Variants in RCAN2 observed in about 807,000 individuals in gnomAD.
RCAN2 encodes the protein calcipressin-2.
A neutral mutation model predicts 23.6 loss-of-function variants in RCAN2; 9 were observed. The observed-to-expected ratio is 0.38, with a 90% CI of 0.23 to 0.67. The LOEUF is 0.67. RCAN2 is among the 30% of genes least tolerant of loss of function. The pLI is 0.51. For missense variants in RCAN2, 273 were observed against 302.3 expected (o/e 0.90, Z 0.72); for synonymous variants, 109 against 115.7 (o/e 0.94, Z 0.37).
chr6:46,331,533 T>C (rs1763973512), intron 2 of RCAN2, among the ~76,000 whole-genome samples: 1 of 152,232 alleles, frequency 6.6e-6, no homozygotes, highest in South Asian at 2.1e-4. Context: ...CTGAGTCCTC[T>C]GACAAATCTT....
chr6:46,391,792 G>T (rs1021488538), intron 2 of RCAN2, among the ~76,000 whole-genome samples: 1 of 152,100 alleles, frequency 6.6e-6, no homozygotes, highest in African/African-American at 2.4e-5. Flanking sequence ...GAAGGTGAAG[G>T]GGGGTGACAA....
intron 2 of RCAN2, among the ~76,000 whole-genome samples, chr6:46,268,679 C>A (rs1767423742): frequency 6.6e-6 from 1 of 152,194 alleles, no homozygotes; most frequent in Admixed American, 6.5e-5. Context: ...TTAAGAATCA[C>A]TTCAATTTTC....
At chr6:46,479,844 G>C (rs1390472468) in intron 1 of RCAN2, among the ~76,000 whole-genome samples, 1 of 152,064 alleles carries the variant, frequency 6.6e-6, no homozygotes, top group African/African-American at 2.4e-5. Flanking sequence ...GCCTCCCAAA[G>C]TGCTGGGATT....
chr6:46,256,523 A>G (rs1766922848), intron 2 of RCAN2, among the ~76,000 whole-genome samples: 1 of 152,186 alleles, frequency 6.6e-6, no homozygotes, highest in Admixed American at 6.5e-5. Context: ...ATAGTGTCAA[A>G]TATGAACATT....
intron 2 of RCAN2, among the ~76,000 whole-genome samples, chr6:46,316,653 A>G (rs549063206): frequency 6.4e-4 from 98 of 152,360 alleles, no homozygotes; most frequent in African/African-American, 2.3e-3. Flanking sequence ...CATAGAAGGC[A>G]TTCAATGTAT....
Position 46,251,116 on chromosome 6 carries a change from C to T in RCAN2, c.226-2220G>A, listed in dbSNP as rs117717917. On this transcript the variant is annotated intron_variant, in intron 2 of 4. Transcript: ENST00000371374. ...GCATTTTCAGTTTTTTTCTTATACT[C>T]CTTTTCCCATCACGAACAAAACAAG... 8.5e-5 allele frequency among the ~76,000 whole-genome samples: 13 copies of T among 152,244 alleles called. No homozygotes were observed. The East Asian group carries it at 2.3e-3, about 27-fold the overall frequency.
chr6:46,445,322 C>T (rs1464524609), intron 2 of RCAN2, among the ~76,000 whole-genome samples: 1 of 152,160 alleles, frequency 6.6e-6, no homozygotes, highest in Non-Finnish European at 1.5e-5. Context: ...AAGCACCAGG[C>T]CTGCCCACCT....
chr6:46,263,198 G>GT (rs1767172797), intron 2 of RCAN2, among the ~76,000 whole-genome samples: 1 of 152,122 alleles, frequency 6.6e-6, no homozygotes, highest in Non-Finnish European at 1.5e-5. Context: ...ACACACTACC[G>GT]TTTGATGAAT....
intron 2 of RCAN2, among the ~76,000 whole-genome samples, chr6:46,368,925 T>G (rs1765251556): frequency 6.6e-6 from 1 of 152,230 alleles, no homozygotes; most frequent in Admixed American, 6.5e-5. Context: ...CTGTAACTTT[T>G]TAATGTTATA....
At chr6:46,376,261 C>A (rs1415755950) in intron 2 of RCAN2, among the ~76,000 whole-genome samples, 2 of 152,222 alleles carry the variant, frequency 1.3e-5, no homozygotes, top group Non-Finnish European at 2.9e-5. Flanking sequence ...ACACAATCCT[C>A]AGTAAGTATT....
intron 4 of RCAN2, among the ~76,000 whole-genome samples, chr6:46,237,440 G>C: frequency 6.6e-6 from 1 of 152,092 alleles, no homozygotes; most frequent in East Asian, 1.9e-4. Context: ...CTCATATTAC[G>C]GGTGAATTCT....
At chr6:46,386,444 C>CAA (rs112347117) in intron 2 of RCAN2, among the ~76,000 whole-genome samples, 2 of 134,192 alleles carry the variant, frequency 1.5e-5, no homozygotes, top group African/African-American at 2.7e-5. Flanking sequence ...ACTAAAAATA[C>CAA]AAAAAAAAAA....
intron 2 of RCAN2, among the ~76,000 whole-genome samples, chr6:46,262,784 C>T (rs1222993694): frequency 6.6e-6 from 1 of 152,098 alleles, no homozygotes; most frequent in Non-Finnish European, 1.5e-5. Flanking sequence ...TATATTCCAG[C>T]CAAACTTCTC....
At chr6:46,288,952 C>G (rs1258067514) in intron 2 of RCAN2, among the ~76,000 whole-genome samples, 1 of 152,220 alleles carries the variant, frequency 6.6e-6, no homozygotes, top group Admixed American at 6.5e-5. Flanking sequence ...TAGTTAATTT[C>G]CTTCCTTCCC....
intron 2 of RCAN2, among the ~76,000 whole-genome samples, chr6:46,295,903 A>G (rs1473979337): frequency 6.6e-6 from 1 of 151,996 alleles, no homozygotes; most frequent in Non-Finnish European, 1.5e-5. Flanking sequence ...TTTGTTCTCA[A>G]TGAAAGTGGA....
intron 2 of RCAN2, among the ~76,000 whole-genome samples, chr6:46,317,874 G>T (rs1482677408): frequency 6.6e-6 from 1 of 152,184 alleles, no homozygotes; most frequent in Non-Finnish European, 1.5e-5. Context: ...GTGTAATCTT[G>T]TGTAAAAAGG....
At chr6:46,280,182 A>T (rs553480210) in intron 2 of RCAN2, among the ~76,000 whole-genome samples, 1 of 152,344 alleles carries the variant, frequency 6.6e-6, no homozygotes, top group East Asian at 1.9e-4. Context: ...GAGCAGTGCC[A>T]TAATATCCCA....
intron 2 of RCAN2, among the ~76,000 whole-genome samples, chr6:46,300,080 A>C (rs574391357): frequency 6.6e-6 from 1 of 152,034 alleles, no homozygotes; most frequent in South Asian, 2.1e-4. Context: ...CCAAATGTAA[A>C]GTAAAAGTAA....
At chr6:46,336,883 A>G (rs2150370189) in intron 2 of RCAN2, among the ~76,000 whole-genome samples, 1 of 151,958 alleles carries the variant, frequency 6.6e-6, no homozygotes, top group East Asian at 1.9e-4. Flanking sequence ...GAGTTTAACA[A>G]TTAATTGGCT....
Sources: gnomAD v4.1 joint callset for allele counts (sites outside exome capture counted in the v4.1 genomes callset) on GRCh38, gnomAD v4.1.1 for gene constraint, MANE v1.5 for transcripts, NCBI Gene and HGNC (gene_info 2026-07-23, HGNC 2026-07-21) for gene names.